BPTF: variants seen among roughly 807,000 people sequenced by gnomAD.
BPTF encodes nucleosome-remodeling factor subunit BPTF.
A neutral mutation model predicts 292.5 loss-of-function variants in BPTF; 18 were observed. The ratio of observed to expected loss-of-function variants is 0.06; its 90% confidence interval spans 0.04 to 0.09. The LOEUF (loss-of-function observed/expected upper bound fraction) is 0.09, where lower values mean the gene tolerates loss of function less well. BPTF is among the 10% of genes least tolerant of loss of function. The pLI, the probability that BPTF is intolerant of heterozygous loss-of-function variation, is 1.00. For synonymous variants in BPTF, 1,225 were observed against 1,251.9 expected (o/e 0.98, Z 0.45); for missense variants, 2,726 against 3,498.7 (o/e 0.78, Z 5.57).
At position 67,825,707 on chromosome 17, in the gene BPTF, C is replaced by T. The variant is rs2055926250; in HGVS notation, c.-18C>T. 2.9e-6 allele frequency: 3 copies of T among 1,047,108 alleles called. No homozygotes were observed. Among genetic ancestry groups the T allele is most frequent in the East Asian group, 8.2e-5 (1 of 12,138 alleles). The allele number at this position is 1,047,108 out of a possible 1,614,324, so 64.9% of individuals were successfully genotyped here. ...CCCTCCCCCTTCGCTTTCCTTCTCC[C>T]CCCGCCTCGGCTCCGACATGAGGGG... On this transcript the variant is annotated 5_prime_UTR_variant, in exon 1 of 28. Coordinates refer to ENST00000306378, the MANE Select transcript of BPTF (RefSeq NM_182641.4).
chr17:67,869,827 CA>C (rs772941425), intron 3 of BPTF, among the ~76,000 whole-genome samples: 17,799 of 56,570 alleles, frequency 0.31, 1,403 homozygotes, highest in East Asian at 0.56. Flanking sequence ...ACTAAAAATA[CA>C]AAAAAAAAAA....
intron 1 of BPTF, among the ~76,000 whole-genome samples, chr17:67,833,636 T>C (rs2056904714): frequency 6.6e-6 from 1 of 151,898 alleles, no homozygotes; most frequent in African/African-American, 2.4e-5. Context: ...TGGCATGATC[T>C]TGGCTCACTG....
At chr17:67,886,901 G>T (rs2060792224) in intron 4 of BPTF, among the ~76,000 whole-genome samples, 1 of 151,982 alleles carries the variant, frequency 6.6e-6, no homozygotes, top group Admixed American at 6.6e-5. Flanking sequence ...GGACATTTAT[G>T]TTGTTAACAG....
At chr17:67,899,399 G>A (rs1047844573) in intron 7 of BPTF, among the ~76,000 whole-genome samples, 2 of 152,014 alleles carry the variant, frequency 1.3e-5, no homozygotes. Flanking sequence ...CACCAAAAGA[G>A]GTCTGTAAAC....
intron 17 of BPTF, among the ~76,000 whole-genome samples, chr17:67,930,670 G>A (rs2064299234): frequency 6.6e-6 from 1 of 152,092 alleles, no homozygotes. Context: ...AGGACCAGGG[G>A]CAGTAGCTCA....
chr17:67,877,186 G>A (rs560372691), intron 4 of BPTF, among the ~76,000 whole-genome samples: 1 of 152,332 alleles, frequency 6.6e-6, no homozygotes, highest in African/African-American at 2.4e-5. Flanking sequence ...ATGTATCAGT[G>A]ACCAAAATAG....
chr17:67,880,890 A>C (rs1245659506), intron 4 of BPTF, among the ~76,000 whole-genome samples: 1 of 151,904 alleles, frequency 6.6e-6, no homozygotes, highest in Non-Finnish European at 1.5e-5. Flanking sequence ...TTTGTGGCCC[A>C]ACATTTAATT....
Position 67,891,958 on chromosome 17 carries a change from A to G in BPTF, c.1979A>G (p.Lys660Arg), listed in dbSNP as rs2061144291. 2 of 1,612,804 alleles carry G rather than the reference A, an allele frequency of 1.2e-6. No individual in the cohort carries two copies. Among genetic ancestry groups the G allele is most frequent in the Middle Eastern group, 1.7e-4 (1 of 6,060 alleles). The change falls in exon 5 of 28, where the codon AAA (lysine) becomes AGA (arginine). Residue 660 changes from lysine (K) to arginine (R), a missense_variant. Transcript: ENST00000306378. ...IITRLRNPDS[K>R]LSQLKSQQVA... ...ACCAGATTGCGGAATCCAGATAGCA[A>G]ACTTAGTCAGCTGAAGAGCCAGCAG...
At chr17:67,964,489 C>G (rs1480309892) in intron 25 of BPTF, 85 bp downstream of exon 25, 22 of 1,426,468 alleles carry the variant, frequency 1.5e-5, no homozygotes, top group Non-Finnish European at 2.1e-5. Flanking sequence ...AGTTTCCAAT[C>G]TTAGAATGAT....
rs1305670364 is a variant in BPTF, at chr17:67,984,328, G to A, written c.*2040G>A. 6.6e-6 allele frequency: 1 copy of A among 152,508 alleles called. No homozygotes were observed. The highest frequency in any genetic ancestry group is 2.4e-5 in the African/African-American group (1 of 41,406). The allele number at this position is 152,508 out of a possible 1,614,324, so 9.4% of individuals were successfully genotyped here. On this transcript the variant is annotated 3_prime_UTR_variant, in exon 28 of 28. Transcript: ENST00000306378. Reference sequence around the variant, plus strand: ...ATTCTAAACAGCAATTCTTTTGTACGTAATAGGACATTTCATCCTAGAAAA... The same window carrying A: ...ATTCTAAACAGCAATTCTTTTGTACATAATAGGACATTTCATCCTAGAAAA...
At chr17:67,978,341 C>T (rs542001088) in intron 27 of BPTF, among the ~76,000 whole-genome samples, 16 of 149,758 alleles carry the variant, frequency 1.1e-4, no homozygotes, top group Non-Finnish European at 2.1e-4. Context: ...CTCTGTTGCC[C>T]AGGCTGGAGT....
chr17:67,844,548 A>AT (rs1177374189), intron 1 of BPTF, among the ~76,000 whole-genome samples: 3 of 141,306 alleles, frequency 2.1e-5, no homozygotes, highest in African/African-American at 2.6e-5. Context: ...CGCCCGGCTA[A>AT]TTTTTTTTTT....
chr17:67,899,440 C>G lies in BPTF; in HGVS notation c.2544-4349C>G, dbSNP rs1313216006. On this transcript the variant is annotated intron_variant, in intron 7 of 27. Coordinates refer to ENST00000306378, the MANE Select transcript of BPTF (RefSeq NM_182641.4). Reference sequence around the variant, plus strand: ...TGAAAGCTGAAGCCAGACTGTGACCCAGAGACAAGTTTATATTTTCCTGGG... The same window carrying G: ...TGAAAGCTGAAGCCAGACTGTGACCGAGAGACAAGTTTATATTTTCCTGGG... 4.6e-5 allele frequency among the ~76,000 whole-genome samples: 7 copies of G among 152,090 alleles called. No individual in the cohort carries two copies. In the East Asian group the frequency reaches 1.3e-3, roughly 29 times the overall value.
intron 4 of BPTF, chr17:67,875,487 A>G: frequency 8.0e-7 from 1 of 1,256,866 alleles, no homozygotes; most frequent in East Asian, 2.6e-5. Context: ...TAGTTGACTG[A>G]ATGTGGCCAT....
At position 67,825,927 on chromosome 17, in the gene BPTF, G is replaced by C. The variant is rs2055953026; in HGVS notation, c.203G>C (p.Arg68Thr). 1 of 1,014,904 alleles carries C rather than the reference G, an allele frequency of 9.9e-7. No individual in the cohort carries two copies. Among genetic ancestry groups the C allele is most frequent in the Non-Finnish European group, 1.2e-6 (1 of 851,064 alleles). The allele number at this position is 1,014,904 out of a possible 1,614,324, so 62.9% of individuals were successfully genotyped here. The change falls in exon 1 of 28, where the codon AGG (arginine) becomes ACG (threonine). Residue 68 changes from arginine (R) to threonine (T), a missense_variant. Arg to Thr is a moderately conservative substitution (Grantham distance 71, BLOSUM62 -1). Around this residue, in one of 22 missense-constraint regions of BPTF, gnomAD observed 103 missense variants for 72.1 expected, o/e 1.43. Coordinates refer to ENST00000306378, the MANE Select transcript of BPTF (RefSeq NM_182641.4). ...VAPKTRLSSP[R>T]GGSSSRRKPP... ...CCCAAGACGCGGCTGAGCTCGCCCA[G>C]GGGGGGCAGCAGTAGCCGGAGGAAG...
Position 67,938,796 on chromosome 17 carries a change from G to A in BPTF, c.6260-1643G>A, listed in dbSNP as rs942176924. The stretch of plus-strand genomic sequence containing the variant: ...AAATTGCAAGTTTAGAAATAAAAAC[G>A]TAGATGGCAAAGTGGAAAAAATAGT... On this transcript the variant is annotated intron_variant, in intron 18 of 27. Coordinates refer to ENST00000306378, the MANE Select transcript of BPTF (RefSeq NM_182641.4). Among the ~76,000 whole-genome samples the A allele has an allele frequency of 3.9e-5, 6 of 152,128 alleles. No individual in the cohort carries two copies. The East Asian group carries it at 5.8e-4, about 15-fold the overall frequency.
intron 1 of BPTF, among the ~76,000 whole-genome samples, chr17:67,838,377 TCTC>T (rs2057294891): frequency 6.6e-6 from 1 of 152,254 alleles, no homozygotes; most frequent in Admixed American, 6.5e-5. Context: ...TTTTGCTTCT[TCTC>T]TTTATCAGGA....
chr17:67,932,667 C>T (rs2064504862), intron 18 of BPTF, among the ~76,000 whole-genome samples: 1 of 152,092 alleles, frequency 6.6e-6, no homozygotes, highest in Non-Finnish European at 1.5e-5. Flanking sequence ...TGCCACTGCA[C>T]TCCAGCTTGG....
At chr17:67,907,363 T>G (rs1794861603) in intron 9 of BPTF, among the ~76,000 whole-genome samples, 1 of 151,422 alleles carries the variant, frequency 6.6e-6, no homozygotes, top group South Asian at 2.1e-4. Context: ...TATCACTTTT[T>G]TTTTTTTTTT....
Sources: gnomAD v4.1 joint callset for allele counts (sites outside exome capture counted in the v4.1 genomes callset) on GRCh38, gnomAD v4.1.1 for gene constraint, gnomAD v4.1.1 regional missense constraint, MANE v1.5 for transcripts, NCBI Gene and HGNC (gene_info 2026-07-23, HGNC 2026-07-21) for gene names.